The following LIPI variants were observed in gnomAD, a reference collection of about 807,000 sequenced individuals.
LIPI encodes the protein lipase I.
LIPI carries 59 observed loss-of-function variants against 50.6 expected under a neutral mutation model. The ratio of observed to expected loss-of-function variants is 1.16; its 90% confidence interval spans 0.94 to 1.45. The LOEUF is 1.45. LIPI is among the 40% of genes most tolerant of loss of function. The pLI is 0.00. For missense variants in LIPI, 586 were observed against 536.3 expected, an observed-to-expected ratio of 1.09 and a Z score of -0.92; for synonymous variants, 203 against 178.2, an observed-to-expected ratio of 1.14 and a Z score of -1.11.
chr21:14,123,120 A>G (rs2016925102), intron 9 of LIPI, among the ~76,000 whole-genome samples: 1 of 152,238 alleles, frequency 6.6e-6, no homozygotes, highest in Non-Finnish European at 1.5e-5. Context: ...GGAATTTGTT[A>G]CAAGGTTCAA....
At chr21:14,180,038 T>G (rs440083) in intron 4 of LIPI, among the ~76,000 whole-genome samples, 27,985 of 151,954 alleles carry the variant, frequency 0.18, 2,888 homozygotes, top group South Asian at 0.27. Context: ...CCCTGGGAAA[T>G]GAATGCATTC....
At chr21:14,120,153 C>A (rs1029204887) in intron 9 of LIPI, among the ~76,000 whole-genome samples, 6 of 152,184 alleles carry the variant, frequency 3.9e-5, no homozygotes, top group African/African-American at 1.4e-4. Flanking sequence ...GCCAGAAAGA[C>A]TTAAAGGATC....
chr21:14,163,274 G>C (rs2018557181), intron 7 of LIPI, 145 bp downstream of exon 7: 1 of 558,946 alleles, frequency 1.8e-6, no homozygotes, highest in African/African-American at 1.9e-5. Flanking sequence ...AGTTGAATTT[G>C]TCCCACTGGC....
intron 9 of LIPI, among the ~76,000 whole-genome samples, chr21:14,125,116 A>C (rs1450326465): frequency 6.6e-6 from 1 of 152,226 alleles, no homozygotes; most frequent in Non-Finnish European, 1.5e-5. Context: ...CTATACTACA[A>C]AAAAGTTTGA....
At chr21:14,185,652 C>A (rs2019425908) in intron 3 of LIPI, among the ~76,000 whole-genome samples, 1 of 152,054 alleles carries the variant, frequency 6.6e-6, no homozygotes, top group Non-Finnish European at 1.5e-5. Flanking sequence ...CCGAGGCAGG[C>A]AGATTACTTG....
chr21:14,135,814 G>GAC (rs1435381299), intron 9 of LIPI, among the ~76,000 whole-genome samples: 4 of 152,104 alleles, frequency 2.6e-5, no homozygotes, highest in Non-Finnish European at 4.4e-5. Flanking sequence ...CACATACTGA[G>GAC]ACATCAGTTA....
intron 9 of LIPI, among the ~76,000 whole-genome samples, chr21:14,111,603 C>T (rs886399210): frequency 6.6e-6 from 1 of 151,980 alleles, no homozygotes. Context: ...AATGTAATCC[C>T]ATTTGTCTAT....
intron 9 of LIPI, among the ~76,000 whole-genome samples, chr21:14,121,936 A>G (rs2016878160): frequency 6.6e-6 from 1 of 152,238 alleles, no homozygotes; most frequent in Non-Finnish European, 1.5e-5. Flanking sequence ...GTCACACAAC[A>G]GGAAGCTGAC....
At chr21:14,136,728 A>C (rs2017513104) in intron 9 of LIPI, among the ~76,000 whole-genome samples, 1 of 152,120 alleles carries the variant, frequency 6.6e-6, no homozygotes, top group African/African-American at 2.4e-5. Flanking sequence ...GAACATAGGC[A>C]GTTTCCAGGG....
intron 3 of LIPI, among the ~76,000 whole-genome samples, chr21:14,183,006 C>T (rs959098116): frequency 7.9e-5 from 12 of 151,984 alleles, no homozygotes; most frequent in African/African-American, 2.7e-4. Flanking sequence ...AAAAAGAGCC[C>T]GCATCGCCAA....
intron 9 of LIPI, among the ~76,000 whole-genome samples, chr21:14,119,538 C>T (rs552555260): frequency 8.5e-5 from 13 of 152,226 alleles, no homozygotes; most frequent in Non-Finnish European, 1.9e-4. Context: ...GTATATGGAT[C>T]CCCAACTACT....
intron 1 of LIPI, among the ~76,000 whole-genome samples, chr21:14,202,237 C>T (rs1013828388): frequency 1.4e-4 from 21 of 152,078 alleles, no homozygotes; most frequent in African/African-American, 2.7e-4. Context: ...GAATCAATAT[C>T]GTGAAAATGG....
intron 4 of LIPI, among the ~76,000 whole-genome samples, chr21:14,172,723 G>C (rs1184012736): frequency 1.3e-5 from 2 of 151,882 alleles, no homozygotes; most frequent in African/African-American, 2.4e-5. Flanking sequence ...TTGTGGGGTG[G>C]GGGAAGGGGG....
intron 7 of LIPI, among the ~76,000 whole-genome samples, chr21:14,156,580 T>C (rs2018279419): frequency 6.6e-6 from 1 of 151,988 alleles, no homozygotes; most frequent in South Asian, 2.1e-4. Flanking sequence ...ATAGTATATT[T>C]GTGTTGTTTT....
intron 1 of LIPI, among the ~76,000 whole-genome samples, chr21:14,203,231 T>G (rs989609337): frequency 2.6e-5 from 4 of 152,024 alleles, no homozygotes; most frequent in African/African-American, 7.2e-5. Context: ...TTTACACTGT[T>G]GGTGGGACTG....
intron 9 of LIPI, among the ~76,000 whole-genome samples, chr21:14,134,495 G>A (rs1413772610): frequency 6.6e-6 from 1 of 152,032 alleles, no homozygotes; most frequent in African/African-American, 2.4e-5. Context: ...GCAATCCTAA[G>A]CAAAAAGAAC....
chr21:14,194,510 G>A (rs1382140585), intron 1 of LIPI, among the ~76,000 whole-genome samples: 1 of 152,002 alleles, frequency 6.6e-6, no homozygotes. Flanking sequence ...GAATAACTTT[G>A]AAGACATTAT....
chr21:14,159,390 G>GA (rs931071746), intron 7 of LIPI, among the ~76,000 whole-genome samples: 1 of 151,006 alleles, frequency 6.6e-6, no homozygotes, highest in African/African-American at 2.4e-5. Context: ...ACAAACTAAA[G>GA]AAAAAAATTA....
chr21:14,175,675 G>T (rs376037969), intron 4 of LIPI, among the ~76,000 whole-genome samples: 3 of 152,120 alleles, frequency 2.0e-5, no homozygotes, highest in East Asian at 3.9e-4. Flanking sequence ...CCTTTCACAT[G>T]TATGCATACC....
Sources: allele counts gnomAD v4.1 joint callset (sites outside exome capture counted in the v4.1 genomes callset), GRCh38; gene constraint gnomAD v4.1.1; transcripts MANE v1.5; gene names NCBI Gene and HGNC (gene_info 2026-07-23, HGNC 2026-07-21).